Variants in EFHD1 observed in about 807,000 individuals in gnomAD.
The protein encoded by EFHD1 is EF-hand domain-containing protein D1.
Under a neutral mutation model 17.2 loss-of-function variants are expected in EFHD1, and 10 were observed. The ratio of observed to expected loss-of-function variants is 0.58; its 90% CI spans 0.36 to 0.99. The LOEUF (loss-of-function observed/expected upper bound fraction) is 0.99. Among genes scored for constraint, EFHD1 ranks in the 50% least tolerant of loss-of-function variants. The pLI is 0.01. For synonymous variants in EFHD1, 153 were observed against 142.0 expected (o/e 1.08, Z -0.55); for missense variants, 310 against 327.5 (o/e 0.95, Z 0.41).
intron 1 of EFHD1, chr2:232,606,221 C>G (rs10171498): frequency 0.35 from 537,138 of 1,542,194 alleles, 103,093 homozygotes; most frequent in Middle Eastern, 0.41. Context: ...CTACGATTTT[C>G]GACGTTTTCC....
At chr2:232,676,754 G>A (rs183104022) in intron 3 of EFHD1, among the ~76,000 whole-genome samples, 41 of 152,310 alleles carry the variant, frequency 2.7e-4, no homozygotes, top group Non-Finnish European at 4.7e-4. Flanking sequence ...GGACTGTGGG[G>A]AAGGCTGGCA....
intron 1 of EFHD1, among the ~76,000 whole-genome samples, chr2:232,649,105 C>T (rs1334704785): frequency 6.6e-6 from 1 of 152,206 alleles, no homozygotes; most frequent in Non-Finnish European, 1.5e-5. Flanking sequence ...GCCTGGGGCT[C>T]TCTGCACAGT....
rs753795626 is a variant in EFHD1 at position 232,662,897 on chromosome 2, G to A, written c.398G>A (p.Ser133Asn). The A allele has an allele frequency of 1.9e-6, 3 of 1,595,362 alleles. No homozygotes were observed. The highest frequency in any genetic ancestry group is 1.7e-6 in the Non-Finnish European group (2 of 1,172,934). ...GAPQTHLGLKSMIKEVDEDFD... is the reference protein window; with the variant it reads ...GAPQTHLGLKNMIKEVDEDFD... Reference sequence around the variant, plus strand: ...CCCCAGACCCACCTGGGCCTGAAGAGCATGATCAAGGAGGTGGATGAGGAC... The same window carrying A: ...CCCCAGACCCACCTGGGCCTGAAGAACATGATCAAGGAGGTGGATGAGGAC... Residue 133 changes from serine to asparagine, a missense_variant, in exon 2 of 4, where the codon AGC becomes AAC. By Grantham distance (46) the Ser-to-Asn change is conservative. Coordinates refer to ENST00000264059, the MANE Select transcript of EFHD1 (RefSeq NM_025202.4).
chr2:232,673,292 T>A (rs1237595981), intron 3 of EFHD1, among the ~76,000 whole-genome samples: 1 of 152,138 alleles, frequency 6.6e-6, no homozygotes, highest in East Asian at 1.9e-4. Context: ...CATGCAGATG[T>A]CTTATGATGC....
chr2:232,667,698 A>T (rs1186042654), intron 2 of EFHD1, among the ~76,000 whole-genome samples: 2 of 152,018 alleles, frequency 1.3e-5, no homozygotes, highest in Non-Finnish European at 2.9e-5. Flanking sequence ...GATTACAAGC[A>T]TGCGGCACCA....
At chr2:232,622,759 G>A (rs1230303327) in intron 1 of EFHD1, among the ~76,000 whole-genome samples, 4 of 152,136 alleles carry the variant, frequency 2.6e-5, no homozygotes, top group African/African-American at 4.8e-5. Flanking sequence ...GCTATTCCAC[G>A]AGGTTGCCAC....
At chr2:232,660,190 A>AT (rs377190193) in intron 1 of EFHD1, among the ~76,000 whole-genome samples, 38,749 of 114,902 alleles carry the variant, frequency 0.34, 6,223 homozygotes, top group Middle Eastern at 0.45. Context: ...ATTTTATTTT[A>AT]TTTATTTATT....
rs1298881331 is a variant in EFHD1, at chr2:232,633,767, G to C, written c.63G>C (p.Glu21Asp). 2 of 1,467,844 alleles carry C rather than the reference G, an allele frequency of 1.4e-6. No individual in the cohort carries two copies. The highest frequency in any genetic ancestry group is 1.8e-6 in the Non-Finnish European group (2 of 1,117,896). The allele number at this position is 1,467,844 out of a possible 1,614,324, so 90.9% of individuals were successfully genotyped here. Residue 21 changes from glutamate to aspartate, a missense_variant, in exon 1 of 4, where the codon GAG (glutamate) becomes GAC (aspartate). Physicochemically the swap from Glu to Asp is conservative, Grantham distance 45 (BLOSUM62 2). Coordinates refer to ENST00000264059, the MANE Select transcript of EFHD1 (RefSeq NM_025202.4). Reference sequence around the variant, plus strand: ...GGCTGCGGCGCGAGGAGGCCGAGGAGAGTGGCCCCCAGCTGGCTCCCCTCG... The same window carrying C: ...GGCTGCGGCGCGAGGAGGCCGAGGACAGTGGCCCCCAGCTGGCTCCCCTCG... ...ERRLRREEAEESGPQLAPLGA... is the reference protein window; with the variant it reads ...ERRLRREEAEDSGPQLAPLGA...
chr2:232,627,064 A>ATAT (rs1205812580), intron 1 of EFHD1, among the ~76,000 whole-genome samples: 90 of 92,208 alleles, frequency 9.8e-4, no homozygotes, highest in Non-Finnish European at 1.5e-3. Context: ...ATATATATAT[A>ATAT]TTTTTTTTTT....
chr2:232,615,312 A>AT, intron 1 of EFHD1, among the ~76,000 whole-genome samples: 1 of 136,582 alleles, frequency 7.3e-6, no homozygotes, highest in African/African-American at 2.7e-5. Context: ...TGTCAACTAT[A>AT]GTGTGTGTGT....
At chr2:232,662,249 C>T (rs893329187) in intron 1 of EFHD1, among the ~76,000 whole-genome samples, 7 of 152,046 alleles carry the variant, frequency 4.6e-5, no homozygotes, top group African/African-American at 1.7e-4. Flanking sequence ...GGAGACAAGA[C>T]GAGCGAACCA....
chr2:232,672,166 T>G (rs1695082792), intron 2 of EFHD1, 143 bp from the exon 3 acceptor site: 10 of 1,123,594 alleles, frequency 8.9e-6, no homozygotes, highest in Non-Finnish European at 1.3e-5. Context: ...GACAATCTGA[T>G]GAGGGAAAAA....
At chr2:232,649,050 G>A (rs2106202617) in intron 1 of EFHD1, among the ~76,000 whole-genome samples, 1 of 152,300 alleles carries the variant, frequency 6.6e-6, no homozygotes, top group Non-Finnish European at 1.5e-5. Context: ...CTTTTTCCAT[G>A]AATGGCAGGA....
chr2:232,619,673 G>A (rs1693987287), intron 1 of EFHD1, among the ~76,000 whole-genome samples: 1 of 152,066 alleles, frequency 6.6e-6, no homozygotes, highest in Admixed American at 6.6e-5. Context: ...TTTGAAACTA[G>A]AAAGAGGTGG....
chr2:232,635,314 A>G (rs1694298003), intron 1 of EFHD1, among the ~76,000 whole-genome samples: 2 of 152,224 alleles, frequency 1.3e-5, no homozygotes, highest in Non-Finnish European at 1.5e-5. Context: ...CTCCCAGTCC[A>G]GCTGGATTCA....
At chr2:232,616,004 T>C (rs538213428) in intron 1 of EFHD1, among the ~76,000 whole-genome samples, 2 of 152,226 alleles carry the variant, frequency 1.3e-5, no homozygotes, top group East Asian at 1.9e-4. Context: ...TACATTTTTA[T>C]TGAGGCGCAA....
intron 1 of EFHD1, among the ~76,000 whole-genome samples, chr2:232,646,196 C>T (rs17362914): frequency 0.26 from 40,077 of 152,024 alleles, 6,769 homozygotes; most frequent in Non-Finnish European, 0.39. Context: ...ATACAACATT[C>T]GGTAGCTCCC....
At chr2:232,627,036 C>CTCTCTCTCTATA (rs1242284297) in intron 1 of EFHD1, among the ~76,000 whole-genome samples, 3 of 112,684 alleles carry the variant, frequency 2.7e-5, no homozygotes, top group Non-Finnish European at 5.4e-5. Flanking sequence ...CTCTCTCTCT[C>CTCTCTCTCTATA]TATATATATA....
At chr2:232,638,274 A>G (rs13029754) in intron 1 of EFHD1, 107,812 of 460,122 alleles carry the variant, frequency 0.23, 15,186 homozygotes, top group South Asian at 0.4. Flanking sequence ...ACTTAAAGGC[A>G]GGACCCCAAT....
Sources: gnomAD v4.1 joint callset for allele counts (sites outside exome capture counted in the v4.1 genomes callset) on GRCh38, gnomAD v4.1.1 for gene constraint, MANE v1.5 for transcripts, NCBI Gene and HGNC (gene_info 2026-07-23, HGNC 2026-07-21) for gene names.